Variants in FOXP2 observed in about 807,000 individuals in gnomAD.
The protein encoded by FOXP2 is forkhead box protein P2.
A neutral mutation model predicts 115.8 loss-of-function variants in FOXP2; 12 were observed. That is an observed-to-expected ratio of 0.10 (90% CI 0.07 to 0.17). FOXP2 has a LOEUF of 0.17. Among genes scored for constraint, FOXP2 ranks in the 10% least tolerant of loss-of-function variants. The pLI is 1.00. For synonymous variants in FOXP2, 328 were observed against 297.7 expected (o/e 1.10, Z -1.05); for missense variants, 629 against 843.5 (o/e 0.75, Z 3.15).
intron 2 of FOXP2, among the ~76,000 whole-genome samples, chr7:114,442,102 G>T (rs926612335): frequency 6.6e-6 from 1 of 152,220 alleles, no homozygotes; most frequent in East Asian, 1.9e-4. Context: ...TACCACAAAT[G>T]TACATTAATT....
At position 114,642,321 on chromosome 7, in the gene FOXP2, T is replaced by C; in HGVS notation, c.776-89T>C. ...TATGCAGGTAACATCACTGTTGTTG[T>C]TGGTATTAATCTATTAATAACACAA... is the stretch of plus-strand genomic sequence containing the variant. On this transcript the variant is annotated intron_variant, in intron 6 of 16. Coordinates refer to ENST00000350908, the MANE Select transcript of FOXP2 (RefSeq NM_014491.4). 4 of 982,186 alleles carry C rather than the reference T, an allele frequency of 4.1e-6. No homozygotes were observed. The South Asian group carries it at 5.5e-5, about 13-fold the overall frequency. 60.8% of individuals were successfully genotyped at this position (982,186 alleles called of 1,614,324 possible).
chr7:114,571,029 G>T, intron 3 of FOXP2: 1 of 736,412 alleles, frequency 1.4e-6, no homozygotes, highest in East Asian at 2.7e-5. Flanking sequence ...AGATACAGAT[G>T]TAATTAGTTG....
chr7:114,501,760 A>C (rs1352979842), intron 2 of FOXP2, among the ~76,000 whole-genome samples: 1 of 152,058 alleles, frequency 6.6e-6, no homozygotes, highest in Non-Finnish European at 1.5e-5. Flanking sequence ...TGCTTTTCTC[A>C]TGTGATTAAA....
chr7:114,354,826 T>C (rs1039258627), intron 2 of FOXP2, among the ~76,000 whole-genome samples: 2 of 152,216 alleles, frequency 1.3e-5, no homozygotes, highest in Non-Finnish European at 2.9e-5. Flanking sequence ...TTCTGATAGT[T>C]TTTAAAATAT....
intron 1 of FOXP2, among the ~76,000 whole-genome samples, chr7:114,188,881 A>G (rs943942895): frequency 6.6e-6 from 1 of 152,214 alleles, no homozygotes; most frequent in Admixed American, 6.5e-5. Context: ...TATTTGGAAT[A>G]TATAAACTCA....
chr7:114,582,736 A>G (rs941769634), intron 3 of FOXP2, among the ~76,000 whole-genome samples: 11 of 152,186 alleles, frequency 7.2e-5, no homozygotes, highest in African/African-American at 2.7e-4. Flanking sequence ...AAGCTTTTCA[A>G]ATTTTAGAAA....
chr7:114,138,217 G>A (rs1025365430), intron 1 of FOXP2, among the ~76,000 whole-genome samples: 1 of 152,026 alleles, frequency 6.6e-6, no homozygotes, highest in Non-Finnish European at 1.5e-5. Context: ...TGCTGTGCAT[G>A]GCAATTTCTG....
At chr7:114,657,962 G>A in intron 10 of FOXP2, 104 bp from the exon 11 acceptor site, 4 of 1,228,666 alleles carry the variant, frequency 3.3e-6, no homozygotes, top group Non-Finnish European at 3.6e-6. Flanking sequence ...GCTTATTAGT[G>A]GCAACACAGC....
At chr7:114,514,874 C>G (rs12667072) in intron 2 of FOXP2, among the ~76,000 whole-genome samples, 3,295 of 150,704 alleles carry the variant, frequency 0.022, 136 homozygotes, top group East Asian at 0.15. Flanking sequence ...CCCTTCCCCC[C>G]ACCCCACAAC....
chr7:114,327,208 T>C lies in FOXP2; in HGVS notation c.-11+39099T>C, dbSNP rs113067146. On this transcript the variant is annotated intron_variant, in intron 2 of 17. Coordinates refer to the FOXP2 transcript ENST00000634411. ...TCTTCATACCCTGAGGAACTGACTGTGTACTTTCTTCTCCTTCTGTTAGCC... is the reference window on the plus strand; with the variant it reads ...TCTTCATACCCTGAGGAACTGACTGCGTACTTTCTTCTCCTTCTGTTAGCC... 1.5e-3 allele frequency among the ~76,000 whole-genome samples: 225 copies of C among 152,340 alleles called. 2 individuals carry two copies. Among genetic ancestry groups the C allele is most frequent in the African/African-American group, 5.1e-3 (211 of 41,592 alleles).
chr7:114,523,619 C>T (rs1008151653), intron 2 of FOXP2, among the ~76,000 whole-genome samples: 2 of 152,154 alleles, frequency 1.3e-5, no homozygotes, highest in Admixed American at 1.3e-4. Flanking sequence ...TTCTGTGCCT[C>T]CAATTGCAGA....
intron 3 of FOXP2, among the ~76,000 whole-genome samples, chr7:114,538,577 T>C (rs1799505694): frequency 6.6e-6 from 1 of 151,456 alleles, no homozygotes; most frequent in South Asian, 2.1e-4. Flanking sequence ...AACTTGGGGG[T>C]CTTATTCTGA....
At chr7:114,488,632 T>C (rs1348804065) in intron 2 of FOXP2, among the ~76,000 whole-genome samples, 3 of 152,236 alleles carry the variant, frequency 2.0e-5, no homozygotes, top group Non-Finnish European at 2.9e-5. Flanking sequence ...GCCATAGTTA[T>C]ATTAAAAGTT....
At chr7:114,183,083 G>A (rs1244922324) in intron 1 of FOXP2, among the ~76,000 whole-genome samples, 1 of 152,014 alleles carries the variant, frequency 6.6e-6, no homozygotes, top group African/African-American at 2.4e-5. Flanking sequence ...GGTGGTAGAG[G>A]TCTGTATCAC....
intron 1 of FOXP2, among the ~76,000 whole-genome samples, chr7:114,269,537 A>T (rs1163206726): frequency 6.6e-6 from 1 of 152,120 alleles, no homozygotes; most frequent in Non-Finnish European, 1.5e-5. Flanking sequence ...GCAATCCTCC[A>T]GTCTCAGCCT....
intron 1 of FOXP2, among the ~76,000 whole-genome samples, chr7:114,173,406 C>G (rs1337592990): frequency 2.2e-5 from 3 of 139,348 alleles, no homozygotes; most frequent in African/African-American, 8.0e-5. Flanking sequence ...TTACTTTCTT[C>G]TTTCTTTTTC....
chr7:114,271,995 A>C (rs1343538408), intron 1 of FOXP2, among the ~76,000 whole-genome samples: 6 of 135,082 alleles, frequency 4.4e-5, no homozygotes, highest in Non-Finnish European at 9.3e-5. Context: ...ATAATATATA[A>C]TATGTAATAT....
chr7:114,475,779 G>T (rs1796229716), intron 2 of FOXP2, among the ~76,000 whole-genome samples: 1 of 151,216 alleles, frequency 6.6e-6, no homozygotes, highest in Non-Finnish European at 1.5e-5. Context: ...TAATAAATGT[G>T]CACAGGTACC....
chr7:114,615,604 C>T (rs573465112), intron 3 of FOXP2, among the ~76,000 whole-genome samples: 8 of 152,208 alleles, frequency 5.3e-5, no homozygotes, highest in Non-Finnish European at 1.5e-5. Context: ...ACTCAGCCTC[C>T]TCACTGTGCC....
Sources: allele counts gnomAD v4.1 joint callset (sites outside exome capture counted in the v4.1 genomes callset), GRCh38; gene constraint gnomAD v4.1.1; transcripts MANE v1.5; gene names NCBI Gene and HGNC (gene_info 2026-07-23, HGNC 2026-07-21).